TCF20: variants seen among roughly 807,000 people sequenced by gnomAD.
The protein encoded by TCF20 is SPRE-binding protein.
Under a neutral mutation model 148.6 loss-of-function variants are expected in TCF20, and 3 were observed. The observed-to-expected ratio is 0.02, with a 90% confidence interval of 0.01 to 0.05. The LOEUF (loss-of-function observed/expected upper bound fraction) is 0.05, where lower values mean the gene tolerates loss of function less well. Ranked by LOEUF, TCF20 falls within the 10% of genes least tolerant of loss-of-function variation. TCF20 has a pLI of 1.00. For missense variants in TCF20, 2,350 were observed against 2,429.3 expected, an observed-to-expected ratio of 0.97 and a Z score of 0.69; for synonymous variants, 1,049 against 909.5, an observed-to-expected ratio of 1.15 and a Z score of -2.76.
upstream of TCF20, among the ~76,000 whole-genome samples, chr22:42,273,604 C>T (rs2147008683): frequency 6.6e-6 from 1 of 151,722 alleles, no homozygotes; most frequent in South Asian, 2.1e-4. Context: ...GTTTTTCCTA[C>T]CACACTCGGA....
At chr22:42,337,923 G>T (rs1928093954) in intron 1 of TCF20, among the ~76,000 whole-genome samples, 1 of 152,176 alleles carries the variant, frequency 6.6e-6, no homozygotes, top group Admixed American at 6.5e-5. Flanking sequence ...ATCCAGAATG[G>T]GCCTGGGAGG....
intron 1 of TCF20, among the ~76,000 whole-genome samples, chr22:42,328,656 T>C (rs551399233): frequency 6.6e-6 from 1 of 152,386 alleles, no homozygotes; most frequent in Non-Finnish European, 1.5e-5. Context: ...TGCCTCCGTT[T>C]CCTGGTCACA....
At chr22:42,191,780 A>AG (rs1334919702) in intron 2 of TCF20, among the ~76,000 whole-genome samples, 1 of 152,208 alleles carries the variant, frequency 6.6e-6, no homozygotes, top group Non-Finnish European at 1.5e-5. Context: ...AGAGTGCTAG[A>AG]GTCCAGGACT....
intron 2 of TCF20, among the ~76,000 whole-genome samples, chr22:42,191,578 T>C (rs929294416): frequency 2.6e-5 from 4 of 152,184 alleles, no homozygotes; most frequent in African/African-American, 9.6e-5. Flanking sequence ...CATGAGCCAC[T>C]GCACCCAGCC....
chr22:42,218,243 A>G (rs779782324), intron 1 of TCF20, among the ~76,000 whole-genome samples: 4 of 152,224 alleles, frequency 2.6e-5, no homozygotes, highest in African/African-American at 4.8e-5. Flanking sequence ...TTAACATTAC[A>G]TTGCCCAGAG....
intron 1 of TCF20, among the ~76,000 whole-genome samples, chr22:42,255,048 A>G (rs1925653477): frequency 6.6e-6 from 1 of 151,476 alleles, no homozygotes; most frequent in African/African-American, 2.4e-5. Context: ...GCTACTTAAT[A>G]GTTGGGTGAC....
chr22:42,161,109 C>G lies in TCF20; in HGVS notation c.*294G>C. The G allele has an allele frequency of 2.1e-5, 4 of 190,256 alleles. No individual in the cohort carries two copies. Among genetic ancestry groups the G allele is most frequent in the East Asian group, 1.6e-4 (1 of 6,298 alleles). The allele number at this position is 190,256 out of a possible 1,614,324, so 11.8% of individuals were successfully genotyped here. A position where few individuals can be genotyped will look rare whatever the true frequency, so the allele number is the denominator to read the frequency against. ...ATTCCCCCCACCCTTTCCCCATCAT[C>G]CCACCCCTCCCCCCTCCCCCCACAT... On this transcript the variant is annotated 3_prime_UTR_variant, in exon 6 of 6. Transcript: ENST00000677622.
intron 1 of TCF20, among the ~76,000 whole-genome samples, chr22:42,291,499 C>T (rs956306732): frequency 1.3e-5 from 2 of 152,202 alleles, no homozygotes; most frequent in Non-Finnish European, 2.9e-5. Context: ...GCAGCTGGAC[C>T]GTCTGGACTA....
At chr22:42,284,645 G>C (rs1159877010), upstream of TCF20, among the ~76,000 whole-genome samples, 1 of 152,212 alleles carries the variant, frequency 6.6e-6, no homozygotes, top group Non-Finnish European at 1.5e-5. Flanking sequence ...GGTGGGCTTG[G>C]AAAGGGCAGG....
At position 42,219,163 on chromosome 22, in the gene TCF20, C is replaced by T. The variant is rs112411942; in HGVS notation, c.-36-3822G>A. 2.5e-3 allele frequency among the ~76,000 whole-genome samples: 382 copies of T among 151,404 alleles called. 2 individuals carry two copies. Among genetic ancestry groups the T allele is most frequent in the Middle Eastern group, 0.014 (4 of 294 alleles). On this transcript the variant is annotated intron_variant, in intron 1 of 5. Transcript: ENST00000677622. ...TTTTGGGAGGCTGAGGTGTGAGGATCGCTTGAGGTCAGGAGTTCAAGACCA... is the reference window on the plus strand; with the variant it reads ...TTTTGGGAGGCTGAGGTGTGAGGATTGCTTGAGGTCAGGAGTTCAAGACCA...
intron 1 of TCF20, among the ~76,000 whole-genome samples, chr22:42,228,177 G>T (rs1429039889): frequency 6.6e-6 from 1 of 152,192 alleles, no homozygotes; most frequent in African/African-American, 2.4e-5. Context: ...ACAGAGCAGG[G>T]AATTAGTTAG....
intron 2 of TCF20, among the ~76,000 whole-genome samples, chr22:42,186,848 G>C (rs1423401373): frequency 6.6e-6 from 1 of 152,148 alleles, no homozygotes; most frequent in African/African-American, 2.4e-5. Context: ...AAATAAATGG[G>C]GACTAATAAT....
intron 1 of TCF20, among the ~76,000 whole-genome samples, chr22:42,262,442 G>C (rs1926079319): frequency 6.6e-6 from 1 of 152,106 alleles, no homozygotes; most frequent in Admixed American, 6.5e-5. Context: ...CAGAGTTGGG[G>C]ACAAATGCAG....
At position 42,292,680 on chromosome 22, in the gene TCF20, G is replaced by A. The variant is rs925183978; in HGVS notation, c.-37+50799C>T. Among the ~76,000 whole-genome samples the A allele has an allele frequency of 2.1e-4, 32 of 152,130 alleles. No individual in the cohort carries two copies. Among genetic ancestry groups the A allele is most frequent in the African/African-American group, 7.7e-4 (32 of 41,518 alleles). ...GAGGACAAGGAGGCCTGTTTGAGCT[G>A]CAAAGCAGCACACACCTGGGACACA... On this transcript the variant is annotated intron_variant, in intron 1 of 1. Transcript: ENST00000515426. The surrounding 1 kb of genome is among the most constrained non-coding windows in gnomAD (Gnocchi z 4.9).
In TCF20 at chr22:42,261,115, A is replaced by G. The variant is rs557805725; in HGVS notation, c.-37+9224T>C. ...CATTAAGTGGGATCACCCATTACAT[A>G]TGATTTTTGGTTTTTCACTGAGCAT... On this transcript the variant is annotated intron_variant, in intron 1 of 5. Transcript: ENST00000677622. 4.6e-5 allele frequency among the ~76,000 whole-genome samples: 7 copies of G among 152,294 alleles called. No individual in the cohort carries two copies. The South Asian group carries it at 1.5e-3, about 32-fold the overall frequency.
rs1414077221 is a variant in TCF20, at chr22:42,210,730, C to T, written c.4576G>A (p.Glu1526Lys). 1 of 1,614,250 alleles carries T rather than the reference C, an allele frequency of 6.2e-7. No individual in the cohort carries two copies. The highest frequency in any genetic ancestry group is 1.1e-5 in the South Asian group (1 of 91,086). Residue 1526 changes from glutamate (E) to lysine (K), a missense_variant, in exon 2 of 6, where the codon GAG becomes AAG. By Grantham distance (56) the Glu-to-Lys change is moderately conservative. This residue lies in a region of TCF20 where 231 missense variants were observed against 213.7 expected (regional missense o/e 1.08). Transcript: ENST00000677622. This position sits in a 1 kb window ranked among gnomAD's most constrained non-coding sequence, Gnocchi z 4.7. ...AAATATCCCTTTGGAGGGAAACCCT[C>T]TTGCTTCGGTGAAATCGTCACTGTA... is the stretch of plus-strand genomic sequence containing the variant. ...NDTVTISPKQ[E>K]GFPPKGYFPS...
chr22:42,180,876 CAA>C (rs1936737215), intron 2 of TCF20, among the ~76,000 whole-genome samples: 1 of 152,194 alleles, frequency 6.6e-6, no homozygotes, highest in Non-Finnish European at 1.5e-5. Context: ...CCTCCAGAGA[CAA>C]AAGAGGTAGG....
At chr22:42,173,929 T>C (rs988195502) in intron 3 of TCF20, among the ~76,000 whole-genome samples, 1 of 152,112 alleles carries the variant, frequency 6.6e-6, no homozygotes, top group African/African-American at 2.4e-5. Context: ...TTCTGTTAAA[T>C]AGAGATGCTA....
At chr22:42,333,615 A>G (rs989797627) in intron 1 of TCF20, among the ~76,000 whole-genome samples, 3 of 152,226 alleles carry the variant, frequency 2.0e-5, no homozygotes, top group African/African-American at 7.2e-5. Context: ...AAAAACCCTC[A>G]TATCAGGCCC....
Sources: gnomAD v4.1 joint callset for allele counts (sites outside exome capture counted in the v4.1 genomes callset) on GRCh38, gnomAD v4.1.1 for gene constraint, gnomAD v4.1.1 regional missense constraint, Gnocchi (gnomAD v3.1) non-coding constraint, MANE v1.5 for transcripts, NCBI Gene and HGNC (gene_info 2026-07-23, HGNC 2026-07-21) for gene names.